DIAPH2: variants seen among roughly 807,000 people sequenced by gnomAD.
The protein encoded by DIAPH2 is diaphanous related formin 2, also known as protein diaphanous homolog 2.
In DIAPH2, 35 loss-of-function variants were observed where a neutral mutation model predicts 92.7. The observed-to-expected ratio is 0.38, with a 90% CI of 0.29 to 0.50. DIAPH2 has a LOEUF of 0.50. DIAPH2 is among the 20% of genes least tolerant of loss of function. The probability of loss-of-function intolerance (pLI) is 0.94; values close to 1 mark genes in which losing one functional copy is unlikely to be tolerated. For synonymous variants in DIAPH2, 301 were observed against 280.4 expected (o/e 1.07, Z -0.73); for missense variants, 701 against 819.5 (o/e 0.86, Z 1.77).
intron 26 of DIAPH2, among the ~76,000 whole-genome samples, chrX:97,497,055 G>A (rs185866183): frequency 1.4e-4 from 15 of 110,571 alleles, no homozygotes; most frequent in Admixed American, 1.3e-3. Flanking sequence ...AATCAATGTT[G>A]ACTTAACTGA....
At chrX:97,440,594 C>CAA (rs775916074) in intron 26 of DIAPH2, among the ~76,000 whole-genome samples, 90 of 38,978 alleles carry the variant, frequency 2.3e-3, no homozygotes, top group Non-Finnish European at 3.4e-3. Flanking sequence ...CTTCGTCTCA[C>CAA]AAAAAAAAAA....
chrX:96,761,022 T>C (rs1451560664), intron 4 of DIAPH2, among the ~76,000 whole-genome samples: 1 of 110,231 alleles, frequency 9.1e-6, no homozygotes, highest in Admixed American at 9.6e-5. Context: ...GAAGAGTCTA[T>C]ATTTTCAAAA....
At chrX:96,900,101 A>T (rs1056826764) in intron 5 of DIAPH2, among the ~76,000 whole-genome samples, 7 of 112,065 alleles carry the variant, frequency 6.2e-5, no homozygotes, top group Admixed American at 4.7e-4. Flanking sequence ...CTACCCTTCC[A>T]TGAGCATGGG....
chrX:96,976,878 T>C (rs954322698), intron 17 of DIAPH2, among the ~76,000 whole-genome samples: 10 of 111,636 alleles, frequency 9.0e-5, no homozygotes, highest in Non-Finnish European at 1.3e-4. Context: ...GCGATTATAA[T>C]TATTTTAAAT....
At chrX:96,775,391 G>GTGTGTGTA (rs1282545608) in intron 4 of DIAPH2, among the ~76,000 whole-genome samples, 2 of 101,399 alleles carry the variant, frequency 2.0e-5, no homozygotes, top group African/African-American at 6.9e-5. Context: ...GTGTGTGTGT[G>GTGTGTGTA]TATACTTCCT....
chrX:97,187,281 C>CTTGTTTTTTTTTTTTTTTTTT (rs2067613352), intron 22 of DIAPH2, among the ~76,000 whole-genome samples: 1 of 36,889 alleles, frequency 2.7e-5, no homozygotes, highest in African/African-American at 1.0e-4. Flanking sequence ...ATTAAGTAGC[C>CTTGTTTTTTTTTTTTTTTTTT]TTTTTTTTTT....
intron 26 of DIAPH2, among the ~76,000 whole-genome samples, chrX:97,550,259 G>A (rs1418758072): frequency 8.9e-6 from 1 of 111,793 alleles, no homozygotes; most frequent in East Asian, 2.8e-4. Context: ...CTCCGGAGGC[G>A]GAGGCAGGAG....
intron 1 of DIAPH2, among the ~76,000 whole-genome samples, chrX:96,689,048 A>T (rs2063786019): frequency 1.8e-5 from 2 of 110,284 alleles, no homozygotes; most frequent in Admixed American, 9.8e-5. Context: ...ATGCTTGAGT[A>T]AGAAAAGGCT....
chrX:97,467,457 A>G (rs1486665611), intron 26 of DIAPH2, among the ~76,000 whole-genome samples: 1 of 111,760 alleles, frequency 8.9e-6, no homozygotes. Flanking sequence ...ATGTAGAAGA[A>G]TCCTCTAAAT....
At chrX:96,857,820 T>C (rs896711253) in intron 4 of DIAPH2, among the ~76,000 whole-genome samples, 1 of 112,590 alleles carries the variant, frequency 8.9e-6, no homozygotes, top group Non-Finnish European at 1.9e-5. Context: ...CTGCCCTGCA[T>C]GTCACACATG....
chrX:97,189,907 G>T (rs1430135279), intron 22 of DIAPH2, among the ~76,000 whole-genome samples: 1 of 112,771 alleles, frequency 8.9e-6, no homozygotes, highest in African/African-American at 3.2e-5. Flanking sequence ...AATAAAGGCT[G>T]CCTACTCAAA....
intron 26 of DIAPH2, among the ~76,000 whole-genome samples, chrX:97,501,056 T>C (rs2070794768): frequency 9.3e-6 from 1 of 107,095 alleles, no homozygotes; most frequent in Non-Finnish European, 1.9e-5. Context: ...CCCCCACCAT[T>C]CCCCCTCCCC....
At chrX:97,103,100 A>G (rs931543059) in intron 20 of DIAPH2, among the ~76,000 whole-genome samples, 6 of 111,958 alleles carry the variant, frequency 5.4e-5, no homozygotes, top group African/African-American at 1.9e-4. Flanking sequence ...GTGGGTGTGT[A>G]TGTGATGCTC....
intron 24 of DIAPH2, among the ~76,000 whole-genome samples, chrX:97,375,802 A>G (rs150573645): frequency 9.2e-4 from 102 of 111,033 alleles, no homozygotes; most frequent in African/African-American, 3.1e-3. Flanking sequence ...CTTTCATCCT[A>G]TCTCCTACTT....
intron 26 of DIAPH2, among the ~76,000 whole-genome samples, chrX:97,542,787 A>T (rs1274753892): frequency 2.7e-5 from 3 of 110,991 alleles, no homozygotes; most frequent in East Asian, 2.8e-4. Context: ...GCTTGTATTG[A>T]TCTTAAACAT....
intron 17 of DIAPH2, among the ~76,000 whole-genome samples, chrX:96,973,699 T>TA (rs1252973597): frequency 1.1e-5 from 1 of 92,106 alleles, no homozygotes; most frequent in East Asian, 3.3e-4. Context: ...TTTTTTTTTT[T>TA]TTTTTTTTTT....
intron 4 of DIAPH2, among the ~76,000 whole-genome samples, chrX:96,869,150 T>G (rs1343301988): frequency 1.8e-5 from 2 of 110,892 alleles, no homozygotes; most frequent in Non-Finnish European, 1.9e-5. Flanking sequence ...CCCTCATTTT[T>G]GGGGGAGCAG....
chrX:96,905,354 A>T (rs2065425964), intron 5 of DIAPH2, among the ~76,000 whole-genome samples: 1 of 111,708 alleles, frequency 9.0e-6, no homozygotes, highest in Non-Finnish European at 1.9e-5. Context: ...CAGAGTCTGA[A>T]TCTCAAATTT....
intron 3 of DIAPH2, among the ~76,000 whole-genome samples, chrX:96,757,146 T>A (rs2064236332): frequency 1.8e-5 from 2 of 110,452 alleles, no homozygotes; most frequent in South Asian, 7.8e-4. Flanking sequence ...CTCGATCTCC[T>A]GACCTCGTGA....
Sources: allele counts gnomAD v4.1 joint callset (sites outside exome capture counted in the v4.1 genomes callset), GRCh38; gene constraint gnomAD v4.1.1; transcripts MANE v1.5; gene names NCBI Gene and HGNC (gene_info 2026-07-23, HGNC 2026-07-21).